POU2F3: variants seen among roughly 807,000 people sequenced by gnomAD.
POU2F3 encodes the protein POU domain, class 2, transcription factor 3.
Under a neutral mutation model 59.2 loss-of-function variants are expected in POU2F3, and 23 were observed. The ratio of observed to expected loss-of-function variants is 0.39; its 90% confidence interval spans 0.28 to 0.55. POU2F3 has a LOEUF of 0.55. Ranked by LOEUF, POU2F3 falls within the 20% of genes least tolerant of loss-of-function variation. POU2F3 has a pLI of 0.66. For missense variants in POU2F3, 473 were observed against 544.5 expected (o/e 0.87, Z 1.31); for synonymous variants, 190 against 214.6 (o/e 0.89, Z 1.00).
intron 2 of POU2F3, among the ~76,000 whole-genome samples, chr11:120,258,035 T>C (rs769645136): frequency 4.6e-5 from 7 of 152,176 alleles, no homozygotes; most frequent in Non-Finnish European, 8.8e-5. Flanking sequence ...TGTAGCAGTT[T>C]TCAAGTGTGA....
intron 3 of POU2F3, among the ~76,000 whole-genome samples, chr11:120,276,986 AAAAATAC>A (rs1192637698): frequency 1.2e-4 from 18 of 152,292 alleles, no homozygotes; most frequent in Non-Finnish European, 1.8e-4. Flanking sequence ...CACCTCTATA[AAAAATAC>A]AAAATACAAA....
intron 1 of POU2F3, among the ~76,000 whole-genome samples, chr11:120,240,794 G>A (rs557394320): frequency 3.3e-5 from 5 of 152,268 alleles, no homozygotes; most frequent in African/African-American, 9.6e-5. Context: ...GGGCATATGT[G>A]TGAAATGGAG....
intron 2 of POU2F3, among the ~76,000 whole-genome samples, chr11:120,267,328 C>T (rs1245086266): frequency 1.3e-5 from 2 of 152,082 alleles, no homozygotes; most frequent in Non-Finnish European, 2.9e-5. Flanking sequence ...GGGGTTTCAC[C>T]ATATTGGCCA....
intron 3 of POU2F3, among the ~76,000 whole-genome samples, chr11:120,294,527 T>A (rs1711343269): frequency 1.3e-5 from 2 of 152,200 alleles, no homozygotes; most frequent in Non-Finnish European, 2.9e-5. Flanking sequence ...TAGAAGTCAA[T>A]GGGATCCAAC....
chr11:120,307,718 C>T, intron 9 of POU2F3, 103 bp downstream of exon 9: 1 of 1,439,380 alleles, frequency 6.9e-7, no homozygotes. Context: ...CACCTCACAC[C>T]TGCTCTGGGA....
At position 120,309,606 on chromosome 11, in the gene POU2F3, G is replaced by T. The variant is rs1941600655; in HGVS notation, c.1068+20G>T. The stretch of plus-strand genomic sequence containing the variant: ...CGGCTGGTGAGTGGCCAGGAACCAA[G>T]CTGTCTGCCAAGCACTGGAGGGACA... On this transcript the variant is annotated intron_variant, in intron 10 of 12. Transcript: ENST00000543440. 1.9e-6 allele frequency: 3 copies of T among 1,609,714 alleles called. No individual in the cohort carries two copies. The highest frequency in any genetic ancestry group is 2.6e-6 in the Non-Finnish European group (3 of 1,176,344).
At chr11:120,292,475 A>G (rs61898317) in intron 3 of POU2F3, among the ~76,000 whole-genome samples, 11,231 of 152,178 alleles carry the variant, frequency 0.074, 475 homozygotes, top group South Asian at 0.11. Context: ...GATGCTTAGC[A>G]TTTCTTCCCG....
chr11:120,298,683 G>T (rs1241835020), intron 4 of POU2F3, among the ~76,000 whole-genome samples: 1 of 152,200 alleles, frequency 6.6e-6, no homozygotes, highest in Non-Finnish European at 1.5e-5. Context: ...GGAATCCTAG[G>T]TTGACAGCTG....
At chr11:120,240,962 C>G (rs775165998) in intron 1 of POU2F3, among the ~76,000 whole-genome samples, 9 of 152,160 alleles carry the variant, frequency 5.9e-5, no homozygotes, top group Non-Finnish European at 1.3e-4. Context: ...CCTTCCTTCC[C>G]TAAGGGGTGG....
At chr11:120,269,140 GT>G (rs1321974325) in intron 2 of POU2F3, 69 bp from the exon 3 acceptor site, 3 of 1,309,136 alleles carry the variant, frequency 2.3e-6, no homozygotes, top group Non-Finnish European at 3.2e-6. Context: ...CAACATCCTA[GT>G]TTTTTTCTAA....
chr11:120,301,132 G>A (rs2135285490), intron 5 of POU2F3: 1 of 450,852 alleles, frequency 2.2e-6, no homozygotes, highest in Non-Finnish European at 4.4e-6. Context: ...TCCAAATTTG[G>A]AGTCAGAAAA....
rs114039654 is a variant in POU2F3 at position 120,285,780 on chromosome 11, G to A, written c.133-12485G>A. 0.021 allele frequency among the ~76,000 whole-genome samples: 3,163 copies of A among 152,154 alleles called. 107 individuals are homozygous for A. Among genetic ancestry groups the A allele is most frequent in the African/African-American group, 0.071 (2,929 of 41,494 alleles). On this transcript the variant is annotated intron_variant, in intron 3 of 12. Coordinates refer to ENST00000543440, the MANE Select transcript of POU2F3 (RefSeq NM_014352.4). The surrounding 1 kb of genome is among the most constrained non-coding windows in gnomAD (Gnocchi z 4.3). ...AATTATACCGTATATATTCTTTAGT[G>A]GCTTTTAAAATTTTTAAATAATGTT...
Position 120,246,485 on chromosome 11 carries a change from A to T in POU2F3, c.65A>T (p.Asp22Val). 1 of 1,613,248 alleles carries T rather than the reference A, an allele frequency of 6.2e-7. No individual in the cohort carries two copies. The highest frequency in any genetic ancestry group is 8.5e-7 in the Non-Finnish European group (1 of 1,179,958). ...KMSGDVADST[D>V]ARSTLSQVEP... ...AGTGGGGATGTAGCCGATTCCACGG[A>T]TGCTCGCAGCACTCTCAGCCAGGTG... Residue 22 changes from aspartate to valine, a missense_variant, in exon 2 of 13, where the codon GAT (aspartate) becomes GTT (valine). Transcript: ENST00000543440.
chr11:120,238,254 A>G (rs1938548796), upstream of POU2F3, among the ~76,000 whole-genome samples: 1 of 152,092 alleles, frequency 6.6e-6, no homozygotes, highest in African/African-American at 2.4e-5. Context: ...AAAGAAAAAG[A>G]AAAAGAAGCA....
At chr11:120,281,856 T>C (rs965158189) in intron 3 of POU2F3, among the ~76,000 whole-genome samples, 5 of 151,858 alleles carry the variant, frequency 3.3e-5, no homozygotes, top group African/African-American at 4.8e-5. Context: ...TCCTCTCTGT[T>C]CAATGGGAGG....
Position 120,306,008 on chromosome 11 carries a change from GT to G in POU2F3, c.769+224del, listed in dbSNP as rs968596032. ...CAGAAGGATGTGGATTTAGGTCTGT[GT>G]CCATCAGGATTTGTCCCCATTCCAT... On this transcript the variant is annotated intron_variant, in intron 8 of 12. Coordinates refer to ENST00000543440, the MANE Select transcript of POU2F3 (RefSeq NM_014352.4). Among the ~76,000 whole-genome samples the G allele has an allele frequency of 6.7e-4, 102 of 152,322 alleles. 1 individual carries two copies. Among genetic ancestry groups the G allele is most frequent in the African/African-American group, 2.4e-3 (98 of 41,556 alleles).
At chr11:120,290,023 C>G (rs926032360) in intron 3 of POU2F3, among the ~76,000 whole-genome samples, 2 of 152,130 alleles carry the variant, frequency 1.3e-5, no homozygotes, top group African/African-American at 4.8e-5. Flanking sequence ...GAAGGGGAAC[C>G]TTTATAGGGC....
At position 120,251,793 on chromosome 11, in the gene POU2F3, C is replaced by CTTTTTTT. The variant is rs547326332; in HGVS notation, c.97+5291_97+5297dup. On this transcript the variant is annotated intron_variant, in intron 2 of 12. Transcript: ENST00000543440. ...CAACCCCACGTTTTCTCTTGGCTGCCTTTTTTTTTTTTTTTTTTTTTGACA... is the reference window on the plus strand; with the variant it reads ...CAACCCCACGTTTTCTCTTGGCTGCCTTTTTTTTTTTTTTTTTTTTTTTTTTTTGACA... Among the ~76,000 whole-genome samples, 3 of 125,236 alleles carry CTTTTTTT rather than the reference C, an allele frequency of 2.4e-5. 1 individual carries two copies. The highest frequency in any genetic ancestry group is 5.9e-4 in the East Asian group (2 of 3,380). The allele number at this position is 125,236 out of a possible 152,430, so 82.2% of individuals were successfully genotyped here. A position where few individuals can be genotyped will look rare whatever the true frequency, so the allele number is the denominator to read the frequency against.
At chr11:120,299,493 T>G (rs1219342154) in intron 4 of POU2F3, 131 bp from the exon 5 acceptor site, 2 of 664,302 alleles carry the variant, frequency 3.0e-6, no homozygotes, top group Non-Finnish European at 5.1e-6. Flanking sequence ...GGATACACAG[T>G]GGCATAAACC....
Sources: gnomAD v4.1 joint callset for allele counts (sites outside exome capture counted in the v4.1 genomes callset) on GRCh38, gnomAD v4.1.1 for gene constraint, Gnocchi (gnomAD v3.1) non-coding constraint, MANE v1.5 for transcripts, NCBI Gene and HGNC (gene_info 2026-07-23, HGNC 2026-07-21) for gene names.